SPINK5: variants seen among roughly 807,000 people sequenced by gnomAD.
The protein encoded by SPINK5 is serine peptidase inhibitor Kazal type 5, also known as serine protease inhibitor Kazal-type 5.
A neutral mutation model predicts 151.8 loss-of-function variants in SPINK5; 125 were observed. That is an observed-to-expected ratio of 0.82 (90% CI 0.71 to 0.96). SPINK5 has a LOEUF of 0.96. Ranked by LOEUF, SPINK5 falls within the 40% of genes least tolerant of loss-of-function variation. The pLI is 0.00. For synonymous variants in SPINK5, 374 were observed against 395.3 expected (o/e 0.95, Z 0.64); for missense variants, 1,194 against 1,291.9 (o/e 0.92, Z 1.16).
chr5:148,071,341 G>A (rs1040657314), intron 3 of SPINK5, among the ~76,000 whole-genome samples: 4 of 152,024 alleles, frequency 2.6e-5, no homozygotes, highest in East Asian at 3.9e-4. Context: ...AGCTCAGATC[G>A]TTTGATCATG....
intron 32 of SPINK5, among the ~76,000 whole-genome samples, chr5:148,135,080 A>G (rs1217459782): frequency 6.6e-6 from 1 of 152,158 alleles, no homozygotes; most frequent in African/African-American, 2.4e-5. Flanking sequence ...TATCTTTCTC[A>G]TGTGGGCTTG....
At chr5:148,097,324 T>A (rs1184628217) in intron 10 of SPINK5, among the ~76,000 whole-genome samples, 1 of 152,034 alleles carries the variant, frequency 6.6e-6, no homozygotes, top group Non-Finnish European at 1.5e-5. Context: ...GGTCTCCTTT[T>A]GACCATTTCC....
intron 20 of SPINK5, among the ~76,000 whole-genome samples, chr5:148,113,449 G>A (rs966331101): frequency 6.6e-6 from 1 of 152,134 alleles, no homozygotes; most frequent in Admixed American, 6.5e-5. Flanking sequence ...CTTCTTTCTA[G>A]TACACTATTT....
intron 16 of SPINK5, among the ~76,000 whole-genome samples, chr5:148,106,601 T>A (rs932684093): frequency 6.6e-6 from 1 of 152,080 alleles, no homozygotes; most frequent in Non-Finnish European, 1.5e-5. Flanking sequence ...TCCTAAAGTG[T>A]TGGAATTACA....
chr5:148,073,869 TA>T lies in SPINK5; in HGVS notation c.282+1663del, dbSNP rs1210756612. Among the ~76,000 whole-genome samples, 853 of 100,874 alleles carry T rather than the reference TA, an allele frequency of 8.5e-3. 3 individuals carry two copies. Among genetic ancestry groups the T allele is most frequent in the African/African-American group, 0.018 (494 of 27,944 alleles). The allele number at this position is 100,874 out of a possible 152,430, so 66.2% of individuals were successfully genotyped here. ...ACACACACACACACACACAAAACTG[TA>T]AAAAAAAAAAAAACCCTCTAGATAA... On this transcript the variant is annotated intron_variant, in intron 4 of 32. Coordinates refer to ENST00000256084, the MANE Select transcript of SPINK5 (RefSeq NM_006846.4).
chr5:148,065,676 A>G (rs966999172), intron 2 of SPINK5, among the ~76,000 whole-genome samples: 4 of 152,104 alleles, frequency 2.6e-5, no homozygotes, highest in East Asian at 1.9e-4. Context: ...GAAAACTACT[A>G]TTGTTCCATT....
Position 148,072,199 on chromosome 5 carries a change from C to T in SPINK5, c.261C>T (p.Pro87=), listed in dbSNP as rs540537833. 3 of 1,612,238 alleles carry T rather than the reference C, an allele frequency of 1.9e-6. No homozygotes were observed. Among genetic ancestry groups the T allele is most frequent in the African/African-American group, 2.7e-5 (2 of 74,934 alleles). ...QKRARHLARA[P]KATAPTELNC... Reference sequence around the variant, plus strand: ...GGGCCAGGCATTTAGCAAGAGCTCCCAAGGCTACTGCCCCAACAGAGGTGA... The same window carrying T: ...GGGCCAGGCATTTAGCAAGAGCTCCTAAGGCTACTGCCCCAACAGAGGTGA... The change falls in exon 4 of 33, where the codon CCC becomes CCT. Residue 87 remains proline, a synonymous_variant. Transcript: ENST00000256084.
At chr5:148,094,504 C>G (rs765167679) in intron 9 of SPINK5, 23 bp downstream of exon 9, 89 of 1,611,454 alleles carry the variant, frequency 5.5e-5, no homozygotes, top group Non-Finnish European at 7.0e-5. Flanking sequence ...GTGGTTTTTT[C>G]AGAGTGATTC....
At chr5:148,096,718 CTTTCTTTT>C (rs1435277708) in intron 10 of SPINK5, among the ~76,000 whole-genome samples, 3 of 146,254 alleles carry the variant, frequency 2.1e-5, no homozygotes, top group Admixed American at 6.8e-5. Flanking sequence ...TTCTTTCTTT[CTTTCTTTT>C]TTTCTTTTTC....
At chr5:148,122,852 C>T (rs893858158) in intron 26 of SPINK5, among the ~76,000 whole-genome samples, 3 of 145,962 alleles carry the variant, frequency 2.1e-5, no homozygotes, top group African/African-American at 7.7e-5. Flanking sequence ...CACGATAAAG[C>T]ACCTCGCACA....
At chr5:148,077,302 C>T (rs1226271784) in intron 4 of SPINK5, among the ~76,000 whole-genome samples, 11 of 149,680 alleles carry the variant, frequency 7.3e-5, no homozygotes, top group East Asian at 2.0e-4. Context: ...TAATGAAGGC[C>T]GGAAGGCAGT....
rs3777134 is a variant in SPINK5 at position 148,118,456 on chromosome 5, G to A, written c.2132G>A (p.Arg711Gln). Reference sequence around the variant, plus strand: ...TTTCAGGACGAATGTGCTGAGTATCGGGAACAAATGAAAAATGGAAGACTC... The same window carrying A: ...TTTCAGGACGAATGTGCTGAGTATCAGGAACAAATGAAAAATGGAAGACTC... ...GNTQDECAEY[R>Q]EQMKNGRLSC... Residue 711 changes from arginine (R) to glutamine (Q), a missense_variant, in exon 23 of 33, where the codon CGG becomes CAG. Transcript: ENST00000256084. The A allele has an allele frequency of 0.6, 968,849 of 1,613,600 alleles. 295,948 individuals are homozygous for A. Among genetic ancestry groups the A allele is most frequent in the Admixed American group, 0.7 (42,268 of 60,000 alleles).
At chr5:148,121,548 A>T (rs1490656017) in intron 26 of SPINK5, among the ~76,000 whole-genome samples, 1 of 152,042 alleles carries the variant, frequency 6.6e-6, no homozygotes, top group Non-Finnish European at 1.5e-5. Context: ...TCTCTAAAGG[A>T]CATCTATTTA....
At chr5:148,081,922 G>T (rs1172468083) in intron 4 of SPINK5, among the ~76,000 whole-genome samples, 1 of 151,484 alleles carries the variant, frequency 6.6e-6, no homozygotes, top group Non-Finnish European at 1.5e-5. Context: ...TTTTGGGGTG[G>T]GAATATCTCA....
intron 4 of SPINK5, among the ~76,000 whole-genome samples, chr5:148,084,156 T>G (rs1244038286): frequency 2.0e-5 from 3 of 151,978 alleles, no homozygotes; most frequent in Non-Finnish European, 2.9e-5. Context: ...TATTCTATTT[T>G]TTACTTGTCA....
intron 2 of SPINK5, among the ~76,000 whole-genome samples, chr5:148,070,050 T>G (rs942732503): frequency 2.0e-5 from 3 of 152,030 alleles, no homozygotes; most frequent in African/African-American, 7.2e-5. Context: ...ATGTGTCATC[T>G]TAGCATATTC....
At chr5:148,111,474 C>T (rs1289518531) in intron 18 of SPINK5, among the ~76,000 whole-genome samples, 1 of 152,108 alleles carries the variant, frequency 6.6e-6, no homozygotes, top group Non-Finnish European at 1.5e-5. Context: ...ATTCTGTATA[C>T]CACAGATTCC....
intron 29 of SPINK5, among the ~76,000 whole-genome samples, chr5:148,126,202 A>G (rs1754426473): frequency 6.6e-6 from 1 of 152,194 alleles, no homozygotes; most frequent in Non-Finnish European, 1.5e-5. Flanking sequence ...TTTACACCCC[A>G]AAATATATTA....
chr5:148,066,654 A>T (rs533737870), intron 2 of SPINK5, among the ~76,000 whole-genome samples: 44 of 152,260 alleles, frequency 2.9e-4, no homozygotes, highest in African/African-American at 1.1e-3. Flanking sequence ...GACATTTGGG[A>T]ATCAGAGAGC....
Sources: gnomAD v4.1 joint callset for allele counts (sites outside exome capture counted in the v4.1 genomes callset) on GRCh38, gnomAD v4.1.1 for gene constraint, MANE v1.5 for transcripts, NCBI Gene and HGNC (gene_info 2026-07-23, HGNC 2026-07-21) for gene names.